The following AGMO variants were observed in gnomAD, a reference collection of about 807,000 sequenced individuals.
The protein encoded by AGMO is alkylglycerol monooxygenase, also known as glyceryl-ether monooxygenase.
In AGMO, 75 loss-of-function variants were observed where a neutral mutation model predicts 60.2. That is an observed-to-expected ratio of 1.25 (90% CI 1.03 to 1.51). The LOEUF is 1.51. AGMO is among the 40% of genes most tolerant of loss of function. The pLI, the probability that AGMO is intolerant of heterozygous loss-of-function variation, is 0.00. For synonymous variants in AGMO, 261 were observed against 177.1 expected, an observed-to-expected ratio of 1.47 and a Z score of -3.76; for missense variants, 763 against 525.5, an observed-to-expected ratio of 1.45 and a Z score of -4.42.
rs567021407 is a variant in AGMO, at chr7:15,240,181, C to T, written c.1264-38822G>A. On this transcript the variant is annotated intron_variant, in intron 12 of 12. Coordinates refer to ENST00000342526, the MANE Select transcript of AGMO (RefSeq NM_001004320.2). ...ATGCTAACTACCTGGTGTGTTAGGT[C>T]TCTTCATATTAGGCTTGCCATATTT... 3.9e-5 allele frequency among the ~76,000 whole-genome samples: 6 copies of T among 152,156 alleles called. No homozygotes were observed. The South Asian group carries it at 1.2e-3, about 32-fold the overall frequency.
At chr7:15,401,111 A>C (rs2128489666) in intron 5 of AGMO, among the ~76,000 whole-genome samples, 1 of 152,238 alleles carries the variant, frequency 6.6e-6, no homozygotes, top group Non-Finnish European at 1.5e-5. Context: ...TTCATGATAC[A>C]ATTTTCAGAA....
intron 12 of AGMO, among the ~76,000 whole-genome samples, chr7:15,258,830 C>G (rs1563058059): frequency 6.6e-6 from 1 of 152,108 alleles, no homozygotes; most frequent in African/African-American, 2.4e-5. Flanking sequence ...CAAAAACAAT[C>G]ACTACAGTTT....
At chr7:15,242,662 C>T (rs1782626316) in intron 12 of AGMO, among the ~76,000 whole-genome samples, 1 of 151,890 alleles carries the variant, frequency 6.6e-6, no homozygotes, top group African/African-American at 2.4e-5. Flanking sequence ...TAGGAGTAAT[C>T]AATAAAACTG....
intron 12 of AGMO, among the ~76,000 whole-genome samples, chr7:15,210,237 AAG>A (rs1042882300): frequency 2.6e-5 from 4 of 152,148 alleles, no homozygotes; most frequent in Non-Finnish European, 5.9e-5. Context: ...CCCAGGCAAA[AAG>A]CAATCAGATA....
chr7:15,397,808 T>C (rs1784453017), intron 5 of AGMO, among the ~76,000 whole-genome samples: 1 of 152,226 alleles, frequency 6.6e-6, no homozygotes, highest in Non-Finnish European at 1.5e-5. Context: ...ACTGTGAATA[T>C]ATAGCTCTTA....
intron 12 of AGMO, among the ~76,000 whole-genome samples, chr7:15,252,911 G>C (rs1255619249): frequency 1.3e-5 from 2 of 152,136 alleles, no homozygotes; most frequent in Non-Finnish European, 2.9e-5. Context: ...TGAAGAGAAT[G>C]TGTCCAGAAA....
At chr7:15,167,819 T>C in the AGMO span, among the ~76,000 whole-genome samples, 180 of 152,310 alleles carry the variant, frequency 1.2e-3, 2 homozygotes, top group African/African-American at 4.2e-3. Context: ...GTTCTGGAAA[T>C]GAAAGTGTGA....
At chr7:15,301,708 A>G (rs980234782) in intron 12 of AGMO, among the ~76,000 whole-genome samples, 1 of 152,170 alleles carries the variant, frequency 6.6e-6, no homozygotes, top group African/African-American at 2.4e-5. Context: ...TCTTTTAAAA[A>G]CCCAAGAAAA....
the AGMO span, among the ~76,000 whole-genome samples, chr7:15,135,079 TA>T: frequency 2.0e-4 from 31 of 151,278 alleles, no homozygotes; most frequent in African/African-American, 6.8e-4. Context: ...ATAATATATA[TA>T]ACACATATAA....
intron 12 of AGMO, among the ~76,000 whole-genome samples, chr7:15,353,299 C>T (rs974127408): frequency 3.3e-5 from 5 of 152,120 alleles, no homozygotes; most frequent in African/African-American, 1.2e-4. Flanking sequence ...GAAACTGGTT[C>T]CTTGGTGAAG....
chr7:15,535,132 G>T (rs1358590866), intron 3 of AGMO, among the ~76,000 whole-genome samples: 1 of 151,810 alleles, frequency 6.6e-6, no homozygotes, highest in Admixed American at 6.6e-5. Flanking sequence ...GGTAGCAATA[G>T]AATTTGAATC....
chr7:15,350,494 T>C (rs1240792279), intron 12 of AGMO, among the ~76,000 whole-genome samples: 1 of 152,166 alleles, frequency 6.6e-6, no homozygotes, highest in African/African-American at 2.4e-5. Flanking sequence ...GGTAGCTAGC[T>C]GCTTTTCTCT....
intron 12 of AGMO, among the ~76,000 whole-genome samples, chr7:15,299,536 T>C (rs1022425249): frequency 1.3e-5 from 2 of 151,996 alleles, no homozygotes; most frequent in Non-Finnish European, 2.9e-5. Flanking sequence ...TGGAAGTATA[T>C]ATTATATGGC....
At chr7:15,368,619 G>T (rs187487463) in intron 10 of AGMO, among the ~76,000 whole-genome samples, 126 of 152,186 alleles carry the variant, frequency 8.3e-4, no homozygotes, top group African/African-American at 2.9e-3. Flanking sequence ...AAGAGTGTTT[G>T]GCACAGAGTA....
chr7:15,509,721 T>G (rs1783621895), intron 3 of AGMO, among the ~76,000 whole-genome samples: 1 of 151,998 alleles, frequency 6.6e-6, no homozygotes, highest in African/African-American at 2.4e-5. Flanking sequence ...AGTAAAAAAA[T>G]CCAAATGACC....
At chr7:15,396,517 A>G (rs1467001564) in intron 5 of AGMO, 1 of 152,274 alleles carries the variant, frequency 6.6e-6, no homozygotes. Context: ...AGCAATACAT[A>G]CATTGCAAAG....
At chr7:15,329,047 C>G (rs996815169) in intron 12 of AGMO, among the ~76,000 whole-genome samples, 1 of 152,136 alleles carries the variant, frequency 6.6e-6, no homozygotes, top group African/African-American at 2.4e-5. Flanking sequence ...CCTTCACTAT[C>G]CTTCCTCCCC....
chr7:15,281,975 T>C (rs981463872), intron 12 of AGMO, among the ~76,000 whole-genome samples: 4 of 152,038 alleles, frequency 2.6e-5, no homozygotes, highest in Admixed American at 6.6e-5. Context: ...CCATACAGGG[T>C]CTTGACCTCT....
chr7:15,360,690 A>T (rs1179744015), intron 12 of AGMO, among the ~76,000 whole-genome samples: 1 of 151,770 alleles, frequency 6.6e-6, no homozygotes, highest in African/African-American at 2.4e-5. Flanking sequence ...AGACAGGCAC[A>T]CTTAGTGTAA....
Sources: gnomAD v4.1 joint callset for allele counts (sites outside exome capture counted in the v4.1 genomes callset) on GRCh38, gnomAD v4.1.1 for gene constraint, MANE v1.5 for transcripts, NCBI Gene and HGNC (gene_info 2026-07-23, HGNC 2026-07-21) for gene names.